NDST3: variants seen among roughly 807,000 people sequenced by gnomAD.
The protein encoded by NDST3 is bifunctional heparan sulfate N-deacetylase/N-sulfotransferase 3.
In NDST3, 58 loss-of-function variants were observed where a neutral mutation model predicts 96.1. The observed-to-expected ratio is 0.60, with a 90% CI of 0.49 to 0.75. The LOEUF is 0.75. Among genes scored for constraint, NDST3 ranks in the 30% least tolerant of loss-of-function variants. The probability of loss-of-function intolerance (pLI) is 0.00; values close to 1 mark genes in which losing one functional copy is unlikely to be tolerated. For missense variants in NDST3, 788 were observed against 1,034.2 expected, an observed-to-expected ratio of 0.76 and a Z score of 3.27; for synonymous variants, 333 against 359.7, an observed-to-expected ratio of 0.93 and a Z score of 0.84.
intron 4 of NDST3, among the ~76,000 whole-genome samples, chr4:118,129,758 C>CATCT (rs1651102303): frequency 6.6e-6 from 1 of 151,942 alleles, no homozygotes; most frequent in South Asian, 2.1e-4. Context: ...CTGTCTGGGA[C>CATCT]ATCTGTCCAA....
At chr4:118,183,998 G>A (rs1736769032) in intron 6 of NDST3, among the ~76,000 whole-genome samples, 1 of 152,156 alleles carries the variant, frequency 6.6e-6, no homozygotes, top group Admixed American at 6.5e-5. Flanking sequence ...TGCTAGAAGG[G>A]TGGCTCAGGC....
At chr4:118,254,293 C>A (rs1270699851) in intron 13 of NDST3, among the ~76,000 whole-genome samples, 1 of 150,598 alleles carries the variant, frequency 6.6e-6, no homozygotes, top group African/African-American at 2.4e-5. Context: ...CTGAGTCATT[C>A]TGTTGTAGTA....
chr4:118,213,149 A>G (rs1738917453), intron 6 of NDST3, among the ~76,000 whole-genome samples: 1 of 152,216 alleles, frequency 6.6e-6, no homozygotes, highest in Non-Finnish European at 1.5e-5. Flanking sequence ...GCCAGCAAGA[A>G]TCATGCAAAA....
intron 4 of NDST3, 109 bp from the exon 5 acceptor site, chr4:118,137,945 T>A: frequency 1.1e-6 from 1 of 916,796 alleles, no homozygotes; most frequent in South Asian, 2.2e-5. Context: ...CACAATTAAG[T>A]AATGATGCAT....
chr4:118,109,764 A>T (rs2125857792), intron 3 of NDST3, among the ~76,000 whole-genome samples: 1 of 152,348 alleles, frequency 6.6e-6, no homozygotes, highest in East Asian at 1.9e-4. Flanking sequence ...TAAATGAAGA[A>T]ATTGCTATTC....
At position 118,233,046 on chromosome 4, in the gene NDST3, T is replaced by C. The variant is rs13138385; in HGVS notation, c.1854T>C (p.His618=). ...TTALYLFLVM[H]PSILSNSPSP... is the part of the protein sequence containing the mutation. ...CTTTGTATTTGTTCCTGGTTATGCA[T>C]CCTTCCATCCTTAGTAACTCCCCCA... Residue 618 remains histidine (H), a synonymous_variant, in exon 9 of 14, where the codon CAT becomes CAC. Transcript: ENST00000296499. 0.071 allele frequency: 114,686 copies of C among 1,612,612 alleles called. 4,918 individuals are homozygous for C. The highest frequency in any genetic ancestry group is 0.085 in the Non-Finnish European group (100,243 of 1,178,732).
chr4:118,046,674 A>AGTTGGT lies in NDST3; in HGVS notation c.-155-7082_-155-7081insGTTGGT, dbSNP rs1346669051. 1.1e-4 allele frequency among the ~76,000 whole-genome samples: 16 copies of AGTTGGT among 152,244 alleles called. No homozygotes were observed. In the East Asian group the frequency reaches 3.1e-3, roughly 30 times the overall value. ...CCCAGAATCCAACTCCAAGTACCTG[A>AGTTGGT]AGGATGGAGCCCCAATTCCATCCAA... On this transcript the variant is annotated intron_variant, in intron 1 of 13. Coordinates refer to ENST00000296499, the MANE Select transcript of NDST3 (RefSeq NM_004784.3).
chr4:118,125,479 C>T (rs1731972638), intron 4 of NDST3, among the ~76,000 whole-genome samples: 1 of 151,962 alleles, frequency 6.6e-6, no homozygotes. Context: ...AGTTAGTGGT[C>T]AAATCTATAA....
intron 9 of NDST3, among the ~76,000 whole-genome samples, chr4:118,233,484 C>A (rs1046804539): frequency 6.6e-6 from 1 of 152,034 alleles, no homozygotes; most frequent in African/African-American, 2.4e-5. Context: ...TCTTCTTGTG[C>A]ACTTTTTATG....
chr4:118,037,845 C>A (rs1431702054), intron 1 of NDST3, among the ~76,000 whole-genome samples: 1 of 152,184 alleles, frequency 6.6e-6, no homozygotes, highest in African/African-American at 2.4e-5. Flanking sequence ...ATTTACCTGA[C>A]GCCTTTATTG....
At chr4:118,175,706 T>C (rs1308908026) in intron 6 of NDST3, among the ~76,000 whole-genome samples, 6 of 152,098 alleles carry the variant, frequency 3.9e-5, no homozygotes, top group Non-Finnish European at 7.4e-5. Context: ...ACCTCAATTG[T>C]GTGGTTTGCC....
chr4:118,101,309 G>T (rs896892538), intron 2 of NDST3, among the ~76,000 whole-genome samples: 9 of 146,188 alleles, frequency 6.2e-5, no homozygotes, highest in Non-Finnish European at 1.0e-4. Context: ...GTTCTTTTTT[G>T]TCTTCAACTA....
chr4:118,095,980 A>T (rs1320026439), intron 2 of NDST3, among the ~76,000 whole-genome samples: 1 of 151,976 alleles, frequency 6.6e-6, no homozygotes, highest in Non-Finnish European at 1.5e-5. Flanking sequence ...CCACAGATGG[A>T]CATTTCAATT....
chr4:118,070,531 T>A (rs939406047), intron 2 of NDST3, among the ~76,000 whole-genome samples: 6 of 152,114 alleles, frequency 3.9e-5, no homozygotes, highest in African/African-American at 1.4e-4. Flanking sequence ...TACAGTCTAT[T>A]ATTTTGATAC....
intron 6 of NDST3, among the ~76,000 whole-genome samples, chr4:118,148,336 C>G (rs902196063): frequency 6.6e-6 from 1 of 152,168 alleles, no homozygotes; most frequent in Non-Finnish European, 1.5e-5. Context: ...GCTTGGAATT[C>G]AGGTGAAGCA....
chr4:118,151,986 T>C (rs1419147677), intron 6 of NDST3, among the ~76,000 whole-genome samples: 1 of 152,218 alleles, frequency 6.6e-6, no homozygotes, highest in Non-Finnish European at 1.5e-5. Flanking sequence ...TTGTAGAGAA[T>C]GTGTCTGTCA....
chr4:118,161,902 A>G (rs894180154), intron 6 of NDST3, among the ~76,000 whole-genome samples: 17 of 151,940 alleles, frequency 1.1e-4, no homozygotes, highest in African/African-American at 3.9e-4. Context: ...ACTGTCTGGC[A>G]CTCCCTAGTG....
At chr4:118,193,665 G>A (rs1737466830) in intron 6 of NDST3, 1 of 1,305,248 alleles carries the variant, frequency 7.7e-7, no homozygotes, top group Non-Finnish European at 1.1e-6. Context: ...AAGTCAGCCT[G>A]TGCCAGTTCA....
At chr4:118,249,441 TAC>T (rs1032522933) in intron 12 of NDST3, among the ~76,000 whole-genome samples, 6 of 152,310 alleles carry the variant, frequency 3.9e-5, no homozygotes, top group African/African-American at 9.6e-5. Flanking sequence ...ATTTAAATAA[TAC>T]AGTCTTTATT....
Sources: gnomAD v4.1 joint callset for allele counts (sites outside exome capture counted in the v4.1 genomes callset) on GRCh38, gnomAD v4.1.1 for gene constraint, MANE v1.5 for transcripts, NCBI Gene and HGNC (gene_info 2026-07-23, HGNC 2026-07-21) for gene names.